The following MMP24 variants were observed in gnomAD, a reference collection of about 807,000 sequenced individuals.
MMP24 encodes the protein matrix metalloproteinase-24.
In MMP24, 25 loss-of-function variants were observed where a neutral mutation model predicts 62.8. The observed-to-expected ratio is 0.40, with a 90% CI of 0.29 to 0.56. The LOEUF (loss-of-function observed/expected upper bound fraction) is 0.56, where lower values mean the gene tolerates loss of function less well. Ranked by LOEUF, MMP24 falls within the 20% of genes least tolerant of loss-of-function variation. The pLI is 0.50. For missense variants in MMP24, 634 were observed against 853.6 expected (o/e 0.74, Z 3.21); for synonymous variants, 319 against 350.5 (o/e 0.91, Z 1.00).
intron 4 of MMP24, among the ~76,000 whole-genome samples, chr20:35,260,639 GGCCAGGACCTGAGTAAGGA>G (rs1363347666): frequency 6.6e-6 from 1 of 152,240 alleles, no homozygotes; most frequent in Non-Finnish European, 1.5e-5. Context: ...CTGCCAGAGG[GGCCAGGACCTGAGTAAGGA>G]GCTGGGGGCG....
At chr20:35,227,925 A>G (rs2060421872) in intron 1 of MMP24, among the ~76,000 whole-genome samples, 1 of 152,098 alleles carries the variant, frequency 6.6e-6, no homozygotes. Context: ...GTCTCCCCTT[A>G]TTTACCCATG....
In MMP24 at chr20:35,274,678, C is replaced by A; in HGVS notation, c.*69C>A. The A allele has an allele frequency of 7.5e-7, 1 of 1,340,216 alleles. No individual in the cohort carries two copies. Among genetic ancestry groups the A allele is most frequent in the Non-Finnish European group, 1.0e-6 (1 of 982,742 alleles). The allele number at this position is 1,340,216 out of a possible 1,614,324, so 83.0% of individuals were successfully genotyped here. On this transcript the variant is annotated 3_prime_UTR_variant, in exon 9 of 9. Coordinates refer to ENST00000246186, the MANE Select transcript of MMP24 (RefSeq NM_006690.4). This position sits in a 1 kb window ranked among gnomAD's most constrained non-coding sequence, Gnocchi z 5.1. Reference sequence around the variant, plus strand: ...CCCTTCCTCACCAGGGTCTGAGGGGCAGCTCTGGCCAGTGCTCACCAGGGC... The same window carrying A: ...CCCTTCCTCACCAGGGTCTGAGGGGAAGCTCTGGCCAGTGCTCACCAGGGC...
chr20:35,252,235 C>G (rs2060551312), intron 3 of MMP24, among the ~76,000 whole-genome samples: 1 of 152,198 alleles, frequency 6.6e-6, no homozygotes, highest in Non-Finnish European at 1.5e-5. Context: ...ACTCCAACCT[C>G]AGGTTTATTT....
chr20:35,268,764 C>T (rs1459158025), intron 6 of MMP24, among the ~76,000 whole-genome samples: 3 of 148,388 alleles, frequency 2.0e-5, no homozygotes, highest in Non-Finnish European at 4.5e-5. Context: ...CAGTGGCTCA[C>T]GCCTTGCAAT....
chr20:35,233,763 C>A (rs1164870668), intron 1 of MMP24, among the ~76,000 whole-genome samples: 1 of 152,152 alleles, frequency 6.6e-6, no homozygotes, highest in African/African-American at 2.4e-5. Flanking sequence ...CCACAAGGAT[C>A]ACTTGAGTCC....
intron 6 of MMP24, among the ~76,000 whole-genome samples, chr20:35,268,623 A>G (rs909312635): frequency 1.3e-5 from 2 of 152,262 alleles, no homozygotes; most frequent in African/African-American, 4.8e-5. Context: ...TAGCTTTTGT[A>G]CCATCTTTTA....
At chr20:35,272,940 T>C (rs1416934238) in intron 8 of MMP24, among the ~76,000 whole-genome samples, 2 of 152,228 alleles carry the variant, frequency 1.3e-5, no homozygotes, top group Non-Finnish European at 2.9e-5. Flanking sequence ...CCATGCTGTA[T>C]ATTTTAGCTG....
rs2060417012 is a variant in MMP24, at chr20:35,227,061, T to TGGGCC, written c.246+84_246+88dup. 2.1e-6 allele frequency: 2 copies of TGGGCC among 959,922 alleles called. 1 individual carries two copies. The highest frequency in any genetic ancestry group is 9.3e-5 in the South Asian group (2 of 21,494). 59.5% of individuals were successfully genotyped at this position (959,922 alleles called of 1,614,324 possible). A position where few individuals can be genotyped will look rare whatever the true frequency, so the allele number is the denominator to read the frequency against. On this transcript the variant is annotated intron_variant, in intron 1 of 8. Transcript: ENST00000246186. ...CGGGGGGCGGCACCGGGGACGGGCC[T>TGGGCC]GGGCCGGGCCGCACCTACTGCCGAG...
chr20:35,267,493 G>A, intron 6 of MMP24, 74 bp downstream of exon 6: 1 of 1,425,590 alleles, frequency 7.0e-7, no homozygotes, highest in African/African-American at 1.4e-5. Context: ...ATGGAGCTGG[G>A]GAAGGCTCCT....
At chr20:35,262,677 G>C (rs1028361322) in intron 4 of MMP24, 1 of 146,686 alleles carries the variant, frequency 6.8e-6, no homozygotes, top group Non-Finnish European at 1.5e-5. Context: ...CCCTTTACGG[G>C]TGTCGGGCTG....
intron 1 of MMP24, among the ~76,000 whole-genome samples, chr20:35,240,814 T>G (rs1425321422): frequency 4.6e-5 from 7 of 152,216 alleles, no homozygotes. Context: ...TTATTTCTTG[T>G]GTCAGACACT....
In MMP24 at chr20:35,275,565, G is replaced by A. The variant is rs1352210219; in HGVS notation, c.*956G>A. ...CTCCCCTCTATTGTCACTGTCCCCA[G>A]CTTTGCTCCAGTCTGTCACTTGCAG... On this transcript the variant is annotated 3_prime_UTR_variant, in exon 9 of 9. Coordinates refer to ENST00000246186, the MANE Select transcript of MMP24 (RefSeq NM_006690.4). The A allele has an allele frequency of 6.5e-6, 1 of 153,454 alleles. No individual in the cohort carries two copies. Among genetic ancestry groups the A allele is most frequent in the Non-Finnish European group, 1.4e-5 (1 of 69,036 alleles). 9.5% of individuals were successfully genotyped at this position (153,454 alleles called of 1,614,324 possible). A position where few individuals can be genotyped will look rare whatever the true frequency, so the allele number is the denominator to read the frequency against.
intron 1 of MMP24, among the ~76,000 whole-genome samples, chr20:35,238,900 T>G (rs1035617418): frequency 6.6e-6 from 1 of 152,198 alleles, no homozygotes; most frequent in Non-Finnish European, 1.5e-5. Context: ...TTTTGGTTTT[T>G]GTTTTTGTTT....
At chr20:35,256,409 G>A (rs2060574608) in intron 4 of MMP24, 1 of 152,080 alleles carries the variant, frequency 6.6e-6, no homozygotes, top group Non-Finnish European at 1.5e-5. Context: ...AGAATCACCT[G>A]GGAACCATTT....
At chr20:35,267,575 A>AG in intron 6 of MMP24, among the ~76,000 whole-genome samples, 156 bp downstream of exon 6, 1 of 152,280 alleles carries the variant, frequency 6.6e-6, no homozygotes, top group Admixed American at 6.5e-5. Flanking sequence ...GTCTCTTCCT[A>AG]GTGCTGCTGG....
chr20:35,248,714 T>G (rs1409514399), intron 2 of MMP24, among the ~76,000 whole-genome samples: 1 of 152,162 alleles, frequency 6.6e-6, no homozygotes, highest in Non-Finnish European at 1.5e-5. Context: ...ATTCTCTGAT[T>G]ATGAGTGTGA....
Position 35,274,186 on chromosome 20 carries a change from C to T in MMP24, c.1601-86C>T. On this transcript the variant is annotated intron_variant, in intron 8 of 8. Coordinates refer to ENST00000246186, the MANE Select transcript of MMP24 (RefSeq NM_006690.4). The surrounding 1 kb of genome is among the most constrained non-coding windows in gnomAD (Gnocchi z 5.1). The stretch of plus-strand genomic sequence containing the variant: ...TGTGCCCACCTTGCCTCCCTTGCCA[C>T]AGTGCCTGTGCCCTCCTTTTCACAC... 1 of 1,356,396 alleles carries T rather than the reference C, an allele frequency of 7.4e-7. No homozygotes were observed. The highest frequency in any genetic ancestry group is 1.0e-6 in the Non-Finnish European group (1 of 985,574). 84.0% of individuals were successfully genotyped at this position (1,356,396 alleles called of 1,614,324 possible).
intron 4 of MMP24, among the ~76,000 whole-genome samples, chr20:35,262,111 C>T (rs924664988): frequency 6.6e-6 from 1 of 152,078 alleles, no homozygotes; most frequent in African/African-American, 2.4e-5. Flanking sequence ...CAGCTCAGGG[C>T]CTTTTCATCT....
At position 35,226,981 on chromosome 20, in the gene MMP24, GC is replaced by G; in HGVS notation, c.244del (p.Gln82ArgfsTer4). ...ACGAGGCGGAGGCGCCCTTCGCCGG[GC>G]AGGTGGGGCTGGCGCGCGGGGCCGG... ...ADEAEAPFAG[Q>X]NWLKSYGYLL... On this transcript the variant is annotated frameshift_variant and splice_region_variant, in exon 1 of 9. Coordinates refer to ENST00000246186, the MANE Select transcript of MMP24 (RefSeq NM_006690.4). LOFTEE classifies it high-confidence loss of function. The G allele has an allele frequency of 3.1e-6, 3 of 980,340 alleles. No individual in the cohort carries two copies. Among genetic ancestry groups the G allele is most frequent in the Non-Finnish European group, 3.6e-6 (3 of 828,054 alleles). 60.7% of individuals were successfully genotyped at this position (980,340 alleles called of 1,614,324 possible).
Sources: allele counts gnomAD v4.1 joint callset (sites outside exome capture counted in the v4.1 genomes callset), GRCh38; gene constraint gnomAD v4.1.1; non-coding constraint Gnocchi (gnomAD v3.1); transcripts MANE v1.5; gene names NCBI Gene and HGNC (gene_info 2026-07-23, HGNC 2026-07-21).